The following DAB1 variants were observed in gnomAD, a reference collection of about 807,000 sequenced individuals.
DAB1 encodes disabled homolog 1.
DAB1 carries 15 observed loss-of-function variants against 64.6 expected under a neutral mutation model. That is an observed-to-expected ratio of 0.23 (90% CI 0.16 to 0.36). DAB1 has a LOEUF of 0.36. Among genes scored for constraint, DAB1 ranks in the 10% least tolerant of loss-of-function variants. DAB1 has a pLI of 1.00. For missense variants in DAB1, 596 were observed against 706.7 expected, an observed-to-expected ratio of 0.84 and a Z score of 1.78; for synonymous variants, 235 against 251.9, an observed-to-expected ratio of 0.93 and a Z score of 0.64.
intron 2 of DAB1, among the ~76,000 whole-genome samples, chr1:58,506,593 C>A (rs1395569710): frequency 6.6e-6 from 1 of 152,100 alleles, no homozygotes; most frequent in Non-Finnish European, 1.5e-5. Flanking sequence ...CCCTGCTAAC[C>A]AAAGATAGCC....
intron 4 of DAB1, among the ~76,000 whole-genome samples, chr1:58,297,210 G>A (rs1662014890): frequency 1.3e-5 from 2 of 152,278 alleles, no homozygotes; most frequent in East Asian, 1.9e-4. Flanking sequence ...GGTTAATAAT[G>A]TCTATTTTAG....
At chr1:57,537,411 C>T (rs1295580606) in intron 7 of DAB1, among the ~76,000 whole-genome samples, 1 of 152,224 alleles carries the variant, frequency 6.6e-6, no homozygotes, top group Non-Finnish European at 1.5e-5. Flanking sequence ...GGTTGAGAAA[C>T]AGTCCACATA....
intron 4 of DAB1, among the ~76,000 whole-genome samples, chr1:57,078,529 T>C (rs1214059050): frequency 6.6e-6 from 1 of 152,202 alleles, no homozygotes; most frequent in Non-Finnish European, 1.5e-5. Flanking sequence ...GAAAAGATAA[T>C]ACCCAATATT....
rs1167569310 is a variant in DAB1, at chr1:57,547,125, G to C, written n.625+102467C>G. 2.7e-5 allele frequency among the ~76,000 whole-genome samples: 4 copies of C among 149,270 alleles called. 1 individual carries two copies. The highest frequency in any genetic ancestry group is 1.5e-5 in the Non-Finnish European group (1 of 67,990). The stretch of plus-strand genomic sequence containing the variant: ...AACGAAAGAAGGCAAGGGGGAGAGA[G>C]AGCAGTCAAGGCCAAGACCCCAGGC... On this transcript the variant is annotated intron_variant and non_coding_transcript_variant, in intron 7 of 20. Coordinates refer to the DAB1 transcript ENST00000485760.
chr1:58,342,147 C>A (rs1643945641), intron 4 of DAB1, among the ~76,000 whole-genome samples: 1 of 152,190 alleles, frequency 6.6e-6, no homozygotes, highest in Admixed American at 6.5e-5. Flanking sequence ...CCAAGAGAGA[C>A]AGTGTGAGTT....
At chr1:57,755,736 ATAAAACCATT>A (rs1000861067) in intron 6 of DAB1, among the ~76,000 whole-genome samples, 29 of 152,254 alleles carry the variant, frequency 1.9e-4, no homozygotes, top group African/African-American at 6.3e-4. Flanking sequence ...TCTGGGGATG[ATAAAACCATT>A]TAAAGCCCAA....
chr1:57,347,998 T>C (rs1386901566), intron 1 of DAB1, among the ~76,000 whole-genome samples: 2 of 152,154 alleles, frequency 1.3e-5, no homozygotes, highest in Non-Finnish European at 2.9e-5. Flanking sequence ...TGAATTAAAC[T>C]TGAAACTTTC....
chr1:58,162,473 T>C (rs1346005207), intron 4 of DAB1, among the ~76,000 whole-genome samples: 2 of 152,104 alleles, frequency 1.3e-5, no homozygotes, highest in African/African-American at 4.8e-5. Context: ...ATACAGAAAA[T>C]TCAAGCAATT....
chr1:57,219,606 C>T (rs1380841658), intron 2 of DAB1, among the ~76,000 whole-genome samples: 2 of 152,140 alleles, frequency 1.3e-5, no homozygotes, highest in African/African-American at 4.8e-5. Context: ...TTATATAAGA[C>T]TCCATTTTAG....
chr1:58,086,574 T>C lies in DAB1; in HGVS notation n.387+63937A>G, dbSNP rs1456735464. On this transcript the variant is annotated intron_variant and non_coding_transcript_variant, in intron 5 of 20. Coordinates refer to the DAB1 transcript ENST00000485760. ...TTTGATGGTACCTCATTAACCACAG[T>C]ACAAAGTTTTGAGCTTTTAAGATTC... Among the ~76,000 whole-genome samples, 8 of 152,122 alleles carry C rather than the reference T, an allele frequency of 5.3e-5. 1 individual carries two copies. In the East Asian group the frequency reaches 1.4e-3, roughly 26 times the overall value.
At position 57,163,314 on chromosome 1, in the gene DAB1, C is replaced by T. The variant is rs551895087; in HGVS notation, c.68-17885G>A. 6.6e-5 allele frequency among the ~76,000 whole-genome samples: 10 copies of T among 152,122 alleles called. No individual in the cohort carries two copies. The South Asian group carries it at 1.2e-3, about 19-fold the overall frequency. On this transcript the variant is annotated intron_variant, in intron 2 of 14. Coordinates refer to ENST00000371236, the MANE Select transcript of DAB1 (RefSeq NM_001365792.1). ...GAACAATTAATTTAGACAGGCTGGT[C>T]CATGAAGGCATTTCTGTAGAAATGA...
intron 2 of DAB1, among the ~76,000 whole-genome samples, chr1:57,185,971 C>T (rs1663512608): frequency 6.6e-6 from 1 of 152,070 alleles, no homozygotes. Context: ...ACTCACAGCT[C>T]ACAGCCACGA....
rs116314107 is a variant in DAB1 at position 57,035,681 on chromosome 1, T to C, written c.724-9638A>G. 8.2e-3 allele frequency among the ~76,000 whole-genome samples: 1,239 copies of C among 151,868 alleles called. 20 individuals carry two copies. Among genetic ancestry groups the C allele is most frequent in the African/African-American group, 0.028 (1,156 of 41,374 alleles). ...CAGTTTTCTCATCTTTAAAGTGGAGTGGGTAATGACATCATGGCAAGTTTA... is the reference window on the plus strand; with the variant it reads ...CAGTTTTCTCATCTTTAAAGTGGAGCGGGTAATGACATCATGGCAAGTTTA... On this transcript the variant is annotated intron_variant, in intron 9 of 14. Coordinates refer to ENST00000371236, the MANE Select transcript of DAB1 (RefSeq NM_001365792.1).
intron 5 of DAB1, among the ~76,000 whole-genome samples, chr1:58,023,288 C>G (rs979005953): frequency 6.6e-6 from 1 of 152,108 alleles, no homozygotes; most frequent in East Asian, 1.9e-4. Flanking sequence ...CAGCCCACAG[C>G]CAGAAACACA....
Position 57,610,213 on chromosome 1 carries a change from T to G in DAB1, n.625+39379A>C, listed in dbSNP as rs377216430. On this transcript the variant is annotated intron_variant and non_coding_transcript_variant, in intron 7 of 20. Transcript: ENST00000485760. ...GTAAGACACTCCTGTTGAAGTGGAG[T>G]GAATTCATCTTTTCCACTATATAAT... Among the ~76,000 whole-genome samples the G allele has an allele frequency of 7.2e-5, 11 of 152,224 alleles. No homozygotes were observed. The South Asian group carries it at 1.9e-3, about 26-fold the overall frequency.
intron 5 of DAB1, among the ~76,000 whole-genome samples, chr1:58,118,503 T>TATATATATATGTAC (rs1341446315): frequency 1.9e-5 from 1 of 53,126 alleles, no homozygotes; most frequent in Non-Finnish European, 2.9e-5. Context: ...TATATATATA[T>TATATATATATGTAC]ACACACACAC....
At chr1:57,760,674 T>G (rs1189348756) in intron 6 of DAB1, among the ~76,000 whole-genome samples, 1 of 149,488 alleles carries the variant, frequency 6.7e-6, no homozygotes, top group Admixed American at 6.7e-5. Flanking sequence ...ACACACATAC[T>G]GCACCAAAAA....
intron 6 of DAB1, among the ~76,000 whole-genome samples, chr1:57,698,807 C>A (rs975158594): frequency 1.6e-4 from 24 of 152,168 alleles, no homozygotes; most frequent in Admixed American, 1.4e-3. Flanking sequence ...AAGAAATGAA[C>A]AACATGTGAT....
At chr1:57,682,177 T>A (rs998744385) in intron 6 of DAB1, among the ~76,000 whole-genome samples, 6 of 151,644 alleles carry the variant, frequency 4.0e-5, no homozygotes, top group African/African-American at 1.5e-4. Context: ...TTTTAAAACA[T>A]CCAATTAGTT....
Sources: gnomAD v4.1 joint callset for allele counts (sites outside exome capture counted in the v4.1 genomes callset) on GRCh38, gnomAD v4.1.1 for gene constraint, MANE v1.5 for transcripts, NCBI Gene and HGNC (gene_info 2026-07-23, HGNC 2026-07-21) for gene names.